The following LRP1B variants were observed in gnomAD, a reference collection of about 807,000 sequenced individuals.
LRP1B encodes low-density lipoprotein receptor-related protein 1B.
A neutral mutation model predicts 556.6 loss-of-function variants in LRP1B; 217 were observed. That is an observed-to-expected ratio of 0.39 (90% CI 0.35 to 0.44). The LOEUF (loss-of-function observed/expected upper bound fraction) is 0.44, where lower values mean the gene tolerates loss of function less well. LRP1B is among the 20% of genes least tolerant of loss of function. LRP1B has a pLI of 1.00. For missense variants in LRP1B, 5,053 were observed against 5,620.8 expected (o/e 0.90, Z 3.23); for synonymous variants, 2,047 against 1,865.8 (o/e 1.10, Z -2.50).
At chr2:142,114,883 A>T (rs1707127927) in intron 1 of LRP1B, among the ~76,000 whole-genome samples, 3 of 152,264 alleles carry the variant, frequency 2.0e-5, no homozygotes, top group Admixed American at 2.0e-4. Context: ...TACATTTCAA[A>T]GTGAAAGATT....
rs73963532 is a variant in LRP1B at position 141,698,839 on chromosome 2, C to T, written c.205+111440G>A. On this transcript the variant is annotated intron_variant, in intron 2 of 90. Transcript: ENST00000389484. ...TTAGTAAAAATTTGGATTTCTGCCC[C>T]TGCCCCACTCCTAATGAAATTATTA... Among the ~76,000 whole-genome samples, 660 of 151,906 alleles carry T rather than the reference C, an allele frequency of 4.3e-3. 5 individuals carry two copies. Among genetic ancestry groups the T allele is most frequent in the African/African-American group, 0.015 (639 of 41,488 alleles).
intron 2 of LRP1B, among the ~76,000 whole-genome samples, chr2:141,736,837 C>G (rs560035167): frequency 6.6e-6 from 1 of 152,218 alleles, no homozygotes; most frequent in Non-Finnish European, 1.5e-5. Context: ...CAGGGGATAT[C>G]TTGCAATTAT....
intron 1 of LRP1B, among the ~76,000 whole-genome samples, chr2:141,878,457 A>G (rs914137710): frequency 6.6e-6 from 1 of 152,006 alleles, no homozygotes; most frequent in Non-Finnish European, 1.5e-5. Flanking sequence ...GTATAGGACA[A>G]TATTTTAACA....
chr2:140,621,569 T>C (rs1267249901), intron 41 of LRP1B, among the ~76,000 whole-genome samples: 3 of 152,086 alleles, frequency 2.0e-5, no homozygotes, highest in Non-Finnish European at 4.4e-5. Flanking sequence ...AGCAACAGTT[T>C]ATGATTTTCA....
chr2:141,974,727 T>C (rs1360707513), intron 1 of LRP1B, among the ~76,000 whole-genome samples: 1 of 152,112 alleles, frequency 6.6e-6, no homozygotes, highest in Non-Finnish European at 1.5e-5. Flanking sequence ...ATATGAATAA[T>C]GTTCAAAGGA....
At chr2:141,733,221 G>T (rs1693342948) in intron 2 of LRP1B, among the ~76,000 whole-genome samples, 1 of 151,898 alleles carries the variant, frequency 6.6e-6, no homozygotes, top group Non-Finnish European at 1.5e-5. Flanking sequence ...TTCTTCTATG[G>T]CAAGAGAATG....
intron 31 of LRP1B, among the ~76,000 whole-genome samples, chr2:140,821,067 T>C (rs1416314217): frequency 6.6e-6 from 1 of 152,136 alleles, no homozygotes; most frequent in Non-Finnish European, 1.5e-5. Flanking sequence ...ATAGTACTCA[T>C]GAAAAACATT....
intron 10 of LRP1B, 98 bp from the exon 11 acceptor site, chr2:141,049,320 A>T: frequency 1.3e-6 from 1 of 775,942 alleles, no homozygotes; most frequent in Non-Finnish European, 2.2e-6. Context: ...AGCGTTTTTT[A>T]AATTCAATGC....
At chr2:141,268,412 G>A (rs1464184772) in intron 3 of LRP1B, among the ~76,000 whole-genome samples, 1 of 152,138 alleles carries the variant, frequency 6.6e-6, no homozygotes, top group African/African-American at 2.4e-5. Context: ...GCCAGAGGTT[G>A]AAGATAATGA....
intron 20 of LRP1B, among the ~76,000 whole-genome samples, chr2:140,948,776 A>C (rs1021603839): frequency 1.6e-4 from 24 of 152,206 alleles, no homozygotes; most frequent in African/African-American, 4.6e-4. Flanking sequence ...TTGTTTAGCC[A>C]TATTTGGATC....
chr2:141,871,630 G>C (rs1427304539), intron 1 of LRP1B, among the ~76,000 whole-genome samples: 2 of 151,964 alleles, frequency 1.3e-5, no homozygotes, highest in Non-Finnish European at 2.9e-5. Flanking sequence ...CACATAAGTG[G>C]TTCTCAGTAC....
At chr2:141,290,987 C>A (rs1022199642) in intron 3 of LRP1B, among the ~76,000 whole-genome samples, 15 of 151,810 alleles carry the variant, frequency 9.9e-5, no homozygotes, top group Non-Finnish European at 1.9e-4. Flanking sequence ...CTATAGATTT[C>A]TTATATCAAG....
At chr2:140,817,174 A>G (rs1023287905) in intron 31 of LRP1B, among the ~76,000 whole-genome samples, 5 of 152,118 alleles carry the variant, frequency 3.3e-5, no homozygotes, top group African/African-American at 7.2e-5. Flanking sequence ...TAAATTTGAA[A>G]ATCTTCAAAG....
At chr2:142,031,346 T>TTTTTTTTTTTTA (rs1559032952) in intron 1 of LRP1B, among the ~76,000 whole-genome samples, 1 of 127,020 alleles carries the variant, frequency 7.9e-6, no homozygotes, top group African/African-American at 2.8e-5. Flanking sequence ...TTTTTTTTTT[T>TTTTTTTTTTTTA]TTATTATACT....
At chr2:141,839,534 C>A (rs932419025) in intron 1 of LRP1B, among the ~76,000 whole-genome samples, 1 of 152,166 alleles carries the variant, frequency 6.6e-6, no homozygotes, top group Admixed American at 6.5e-5. Flanking sequence ...TGGCTAGTCA[C>A]TATAAATTGG....
intron 66 of LRP1B, among the ~76,000 whole-genome samples, chr2:140,394,886 C>CTCAT (rs1188574690): frequency 1.9e-4 from 29 of 152,138 alleles, no homozygotes; most frequent in African/African-American, 5.3e-4. Flanking sequence ...TTCTAGGGGC[C>CTCAT]ATTTTAAGAA....
intron 3 of LRP1B, among the ~76,000 whole-genome samples, chr2:141,260,949 A>T (rs1024488777): frequency 3.9e-5 from 6 of 152,178 alleles, no homozygotes; most frequent in Admixed American, 3.9e-4. Context: ...CAACAACTAG[A>T]ACCATAGTAA....
At chr2:141,760,692 T>C (rs1458378264) in intron 2 of LRP1B, among the ~76,000 whole-genome samples, 2 of 152,202 alleles carry the variant, frequency 1.3e-5, no homozygotes, top group Non-Finnish European at 2.9e-5. Context: ...TTTGTATTCA[T>C]TGTTTCATAC....
intron 7 of LRP1B, among the ~76,000 whole-genome samples, chr2:141,156,066 C>T (rs1390157100): frequency 6.6e-6 from 1 of 152,012 alleles, no homozygotes; most frequent in Non-Finnish European, 1.5e-5. Context: ...TTAAAATTAC[C>T]ATAGCTGATA....
Sources: allele counts gnomAD v4.1 joint callset (sites outside exome capture counted in the v4.1 genomes callset), GRCh38; gene constraint gnomAD v4.1.1; transcripts MANE v1.5; gene names NCBI Gene and HGNC (gene_info 2026-07-23, HGNC 2026-07-21).